Variants in VANGL1 observed in about 807,000 individuals in gnomAD.
The protein encoded by VANGL1 is vang-like protein 1.
Under a neutral mutation model 48.4 loss-of-function variants are expected in VANGL1, and 18 were observed. The ratio of observed to expected loss-of-function variants is 0.37; its 90% confidence interval spans 0.26 to 0.55. The LOEUF is 0.55. VANGL1 is among the 20% of genes least tolerant of loss of function. VANGL1 has a pLI of 0.81. For missense variants in VANGL1, 667 were observed against 675.8 expected (o/e 0.99, Z 0.14); for synonymous variants, 257 against 261.8 (o/e 0.98, Z 0.18).
At chr1:115,682,915 C>T (rs902542120) in intron 5 of VANGL1, among the ~76,000 whole-genome samples, 3 of 152,160 alleles carry the variant, frequency 2.0e-5, no homozygotes, top group Admixed American at 6.5e-5. Context: ...TTACTCGTGG[C>T]TAGGAGCCGG....
At position 115,694,869 on chromosome 1, in the gene VANGL1, G is replaced by C. The variant is rs1653978517; in HGVS notation, c.*3490G>C. 6.6e-6 allele frequency: 1 copy of C among 152,194 alleles called. No individual in the cohort carries two copies. The highest frequency in any genetic ancestry group is 1.5e-5 in the Non-Finnish European group (1 of 68,042). The allele number at this position is 152,194 out of a possible 1,614,324, so 9.4% of individuals were successfully genotyped here. ...AGCAGGTGTGTAGCTCAGCAGATAC[G>C]TGTCATTGTGTATATAGCTGAGTGT... On this transcript the variant is annotated 3_prime_UTR_variant, in exon 8 of 8. Transcript: ENST00000355485.
chr1:115,658,802 G>T (rs1199493652), intron 2 of VANGL1, among the ~76,000 whole-genome samples: 1 of 152,160 alleles, frequency 6.6e-6, no homozygotes, highest in African/African-American at 2.4e-5. Flanking sequence ...CTTGGCCAGT[G>T]ATTGGTTCAT....
At chr1:115,667,776 T>C (rs932605657) in intron 4 of VANGL1, among the ~76,000 whole-genome samples, 1 of 152,252 alleles carries the variant, frequency 6.6e-6, no homozygotes, top group Non-Finnish European at 1.5e-5. Context: ...ACTGTTGATA[T>C]GACTTTATTT....
intron 4 of VANGL1, among the ~76,000 whole-genome samples, 199 bp downstream of exon 4, chr1:115,664,467 C>A: frequency 6.6e-6 from 1 of 152,114 alleles, no homozygotes; most frequent in East Asian, 1.9e-4. Context: ...TGGTGCGGGG[C>A]AGTTGCTGGC....
At chr1:115,676,063 A>G (rs1168659936) in intron 4 of VANGL1, among the ~76,000 whole-genome samples, 2 of 152,232 alleles carry the variant, frequency 1.3e-5, no homozygotes, top group African/African-American at 4.8e-5. Context: ...TGTTTGTACA[A>G]TGCATTATAG....
intron 4 of VANGL1, among the ~76,000 whole-genome samples, chr1:115,672,535 A>G (rs911699296): frequency 1.4e-4 from 22 of 152,150 alleles, no homozygotes; most frequent in Non-Finnish European, 8.8e-5. Context: ...CAAGACCTCA[A>G]GCAGAAACCT....
At position 115,659,685 on chromosome 1, in the gene VANGL1, GCAGAGGGT is replaced by G. The variant is rs748372623; in HGVS notation, c.121_128del (p.Gly41LysfsTer17). The G allele has an allele frequency of 6.2e-7, 1 of 1,614,132 alleles. No homozygotes were observed. The highest frequency in any genetic ancestry group is 1.1e-5 in the South Asian group (1 of 91,068). ...CACAAGTCACCCCGGAATAAAGACGGCAGAGGGTCAGAAAAGTCTGTCACCATTCAACC... is the reference window on the plus strand; with the variant it reads ...CACAAGTCACCCCGGAATAAAGACGGCAGAAAAGTCTGTCACCATTCAACC... On this transcript the variant is annotated frameshift_variant, in exon 3 of 8. Coordinates refer to ENST00000355485, the MANE Select transcript of VANGL1 (RefSeq NM_138959.3). LOFTEE classifies it high-confidence loss of function.
At chr1:115,660,191 A>G (rs1652494249) in intron 3 of VANGL1, among the ~76,000 whole-genome samples, 1 of 152,244 alleles carries the variant, frequency 6.6e-6, no homozygotes, top group African/African-American at 2.4e-5. Context: ...CCGCACGCTC[A>G]GATGCCTGGT....
At chr1:115,649,409 G>T (rs1450740507) in intron 1 of VANGL1, among the ~76,000 whole-genome samples, 1 of 152,202 alleles carries the variant, frequency 6.6e-6, no homozygotes, top group Non-Finnish European at 1.5e-5. Context: ...GTAGGCAGCG[G>T]ACTGAGATGT....
chr1:115,664,421 G>A (rs951018140), intron 4 of VANGL1, among the ~76,000 whole-genome samples, 153 bp downstream of exon 4: 2 of 152,172 alleles, frequency 1.3e-5, no homozygotes, highest in African/African-American at 2.4e-5. Context: ...AGGGTGGGGA[G>A]GGTGTCCATG....
chr1:115,651,458 T>A lies in VANGL1; in HGVS notation c.45T>A (p.Ser15Arg). ...STYSGYSYYS[S>R]HSKKSHRQGE... ...ATTCTGGATATTCTTACTATTCAAG[T>A]CATTCGAAAAAATCTCACAGACAAG... is the stretch of plus-strand genomic sequence containing the variant. Residue 15 changes from serine to arginine, a missense_variant, in exon 2 of 8, where the codon AGT becomes AGA. By Grantham distance (110) the Ser-to-Arg change is moderately radical (BLOSUM62 -1). Transcript: ENST00000355485. 1 of 1,614,122 alleles carries A rather than the reference T, an allele frequency of 6.2e-7. No individual in the cohort carries two copies. The highest frequency in any genetic ancestry group is 8.5e-7 in the Non-Finnish European group (1 of 1,180,006).
chr1:115,673,622 CAG>C (rs1653062628), intron 4 of VANGL1, among the ~76,000 whole-genome samples: 1 of 120,326 alleles, frequency 8.3e-6, no homozygotes, highest in South Asian at 2.8e-4. Flanking sequence ...TTTTTTGAGA[CAG>C]AGTCTTACTC....
chr1:115,665,359 G>T (rs933256008), intron 4 of VANGL1, among the ~76,000 whole-genome samples: 9 of 152,230 alleles, frequency 5.9e-5, no homozygotes, highest in South Asian at 4.1e-4. Context: ...GCTGATGTGT[G>T]TAGCCTGCTT....
At chr1:115,678,478 C>T (rs1380173061) in intron 4 of VANGL1, among the ~76,000 whole-genome samples, 3 of 152,164 alleles carry the variant, frequency 2.0e-5, no homozygotes, top group Non-Finnish European at 4.4e-5. Context: ...ACAAAACAGC[C>T]TCACCTATTC....
chr1:115,679,125 A>C (rs1267248186), intron 4 of VANGL1, among the ~76,000 whole-genome samples: 1 of 152,152 alleles, frequency 6.6e-6, no homozygotes, highest in Non-Finnish European at 1.5e-5. Flanking sequence ...AGGTGAGAGC[A>C]TGCACACTCT....
intron 3 of VANGL1, among the ~76,000 whole-genome samples, chr1:115,663,406 G>C (rs1652641898): frequency 6.6e-6 from 1 of 152,210 alleles, no homozygotes; most frequent in African/African-American, 2.4e-5. Flanking sequence ...TTATGTCAAT[G>C]AATCAGCCAA....
chr1:115,684,037 A>T lies in VANGL1; in HGVS notation c.1040A>T (p.Glu347Val). 6.2e-7 allele frequency: 1 copy of T among 1,614,124 alleles called. No homozygotes were observed. Among genetic ancestry groups the T allele is most frequent in the African/African-American group, 1.3e-5 (1 of 75,038 alleles). Reference sequence around the variant, plus strand: ...AGCCACAACGAGTTGTATTATGAAGAGGCCGAACATGAACGGCGAGTAAAG... The same window carrying T: ...AGCCACAACGAGTTGTATTATGAAGTGGCCGAACATGAACGGCGAGTAAAG... ...DSSHNELYYEEAEHERRVKKR... is the reference protein window; with the variant it reads ...DSSHNELYYEVAEHERRVKKR... Residue 347 changes from glutamate (E) to valine (V), a missense_variant, in exon 6 of 8, where the codon GAG becomes GTG. Physicochemically the swap from Glu to Val is moderately radical, Grantham distance 121. Coordinates refer to ENST00000355485, the MANE Select transcript of VANGL1 (RefSeq NM_138959.3).
Position 115,651,423 on chromosome 1 carries a change from G to C in VANGL1, c.10G>C (p.Glu4Gln). ...CAAGCCCTCCATTGCTATGGATACCGAATCCACTTATTCTGGATATTCTTA... is the reference window on the plus strand; with the variant it reads ...CAAGCCCTCCATTGCTATGGATACCCAATCCACTTATTCTGGATATTCTTA... Reference protein sequence around the residue: MDTESTYSGYSYYS... With the variant: MDTQSTYSGYSYYS... Residue 4 changes from glutamate (E) to glutamine (Q), a missense_variant, in exon 2 of 8, where the codon GAA becomes CAA. Transcript: ENST00000355485. 1 of 1,613,878 alleles carries C rather than the reference G, an allele frequency of 6.2e-7. No individual in the cohort carries two copies. The highest frequency in any genetic ancestry group is 8.5e-7 in the Non-Finnish European group (1 of 1,179,964).
At chr1:115,681,004 T>C (rs1004212349) in intron 4 of VANGL1, among the ~76,000 whole-genome samples, 2 of 152,200 alleles carry the variant, frequency 1.3e-5, no homozygotes. Flanking sequence ...GCACGTACGC[T>C]GTTACACAGA....
Sources: gnomAD v4.1 joint callset for allele counts (sites outside exome capture counted in the v4.1 genomes callset) on GRCh38, gnomAD v4.1.1 for gene constraint, MANE v1.5 for transcripts, NCBI Gene and HGNC (gene_info 2026-07-23, HGNC 2026-07-21) for gene names.